EPN2: variants seen among roughly 807,000 people sequenced by gnomAD.
EPN2 encodes epsin-2.
In EPN2, 34 loss-of-function variants were observed where a neutral mutation model predicts 61.7. The observed-to-expected ratio is 0.55, with a 90% CI of 0.42 to 0.73. The LOEUF is 0.73. EPN2 is among the 30% of genes least tolerant of loss of function. The probability of loss-of-function intolerance (pLI) is 0.00; values close to 1 mark genes in which losing one functional copy is unlikely to be tolerated. For missense variants in EPN2, 714 were observed against 839.2 expected, an observed-to-expected ratio of 0.85 and a Z score of 1.84; for synonymous variants, 349 against 353.6, an observed-to-expected ratio of 0.99 and a Z score of 0.15.
intron 4 of EPN2, among the ~76,000 whole-genome samples, chr17:19,289,028 C>T (rs539571039): frequency 1.7e-4 from 26 of 149,234 alleles, no homozygotes; most frequent in African/African-American, 6.4e-4. Flanking sequence ...GGGGTCTGGA[C>T]CTGGCAGGGC....
intron 4 of EPN2, among the ~76,000 whole-genome samples, chr17:19,304,574 C>A (rs1028794495): frequency 6.6e-6 from 1 of 152,176 alleles, no homozygotes; most frequent in Non-Finnish European, 1.5e-5. Flanking sequence ...GTCTGGTCCC[C>A]ATGGATGGAG....
chr17:19,335,567 G>C lies in EPN2; in HGVS notation c.*1313G>C. ...TTGTCCCGAGGGCGTGGGGTGGGGG[G>C]TGCTTCTGTGCCCACGGGTCCCTGG... is the stretch of plus-strand genomic sequence containing the variant. On this transcript the variant is annotated 3_prime_UTR_variant, in exon 11 of 11. Transcript: ENST00000314728. The C allele has an allele frequency of 8.0e-7, 1 of 1,256,616 alleles. No individual in the cohort carries two copies. The highest frequency in any genetic ancestry group is 1.1e-6 in the Non-Finnish European group (1 of 917,710). The allele number at this position is 1,256,616 out of a possible 1,614,324, so 77.8% of individuals were successfully genotyped here. A position where few individuals can be genotyped will look rare whatever the true frequency, so the allele number is the denominator to read the frequency against.
At chr17:19,303,542 G>A (rs191049149) in intron 4 of EPN2, among the ~76,000 whole-genome samples, 5 of 152,170 alleles carry the variant, frequency 3.3e-5, no homozygotes, top group Middle Eastern at 3.2e-3. Flanking sequence ...CCGGAATCAC[G>A]GCTAGAGTCT....
At chr17:19,288,474 G>A (rs904075631) in intron 4 of EPN2, among the ~76,000 whole-genome samples, 6 of 152,250 alleles carry the variant, frequency 3.9e-5, no homozygotes, top group Non-Finnish European at 2.9e-5. Flanking sequence ...GTGGCTTGCA[G>A]TATGAATGGA....
chr17:19,297,089 C>G (rs1210514809), intron 4 of EPN2: 3 of 152,232 alleles, frequency 2.0e-5, no homozygotes, highest in African/African-American at 7.2e-5. Flanking sequence ...GTGAAGATCC[C>G]TAAGTCATCC....
intron 7 of EPN2, among the ~76,000 whole-genome samples, chr17:19,328,436 G>T (rs1410405371): frequency 3.3e-5 from 5 of 152,152 alleles, no homozygotes; most frequent in Non-Finnish European, 5.9e-5. Flanking sequence ...AGCTTGGAGA[G>T]AACCTCTTTC....
chr17:19,300,217 A>G (rs1391328200), intron 4 of EPN2, among the ~76,000 whole-genome samples: 3 of 152,218 alleles, frequency 2.0e-5, no homozygotes, highest in Admixed American at 6.5e-5. Context: ...ACTTAGGAGC[A>G]GAAGCCATGT....
intron 4 of EPN2, among the ~76,000 whole-genome samples, chr17:19,291,474 T>A (rs1396143823): frequency 7.0e-6 from 1 of 143,044 alleles, no homozygotes; most frequent in East Asian, 2.0e-4. Context: ...GTCTCGCTCT[T>A]TCGCCCAGGC....
Position 19,308,320 on chromosome 17 carries a change from C to T in EPN2, c.767-1565C>T, listed in dbSNP as rs1368250705. 6.4e-6 allele frequency: 6 copies of T among 939,926 alleles called. No individual in the cohort carries two copies. In the African/African-American group the frequency reaches 7.1e-5, roughly 11 times the overall value. 58.2% of individuals were successfully genotyped at this position (939,926 alleles called of 1,614,324 possible). On this transcript the variant is annotated intron_variant, in intron 4 of 10. Coordinates refer to ENST00000314728, the MANE Select transcript of EPN2 (RefSeq NM_014964.5). ...AACTCCTGGCCTCAGGTGATCCGCC[C>T]GTCTCAGCCTCCCAAAGTGCTAGGA...
chr17:19,284,471 C>G (rs1005223899), intron 3 of EPN2, among the ~76,000 whole-genome samples: 21 of 152,278 alleles, frequency 1.4e-4, no homozygotes, highest in African/African-American at 4.8e-4. Flanking sequence ...TTTCACAGTG[C>G]TATTCCAGCC....
chr17:19,293,619 C>T (rs2045486847), intron 4 of EPN2, among the ~76,000 whole-genome samples: 1 of 145,848 alleles, frequency 6.9e-6, no homozygotes, highest in African/African-American at 2.6e-5. Flanking sequence ...TCTGGAACTC[C>T]TGGGCTCAAG....
intron 4 of EPN2, among the ~76,000 whole-genome samples, chr17:19,296,150 AT>A (rs879503406): frequency 1.2e-3 from 177 of 143,980 alleles, no homozygotes; most frequent in Middle Eastern, 3.6e-3. Context: ...CATTCATTCT[AT>A]TTTTTTTTTT....
chr17:19,279,519 AG>A (rs2045340128), intron 1 of EPN2, among the ~76,000 whole-genome samples: 1 of 151,740 alleles, frequency 6.6e-6, no homozygotes, highest in African/African-American at 2.4e-5. Context: ...GCTCACTGCA[AG>A]CTCTGCCTCC....
At chr17:19,310,522 TTTTTC>T (rs1386356645) in intron 5 of EPN2, among the ~76,000 whole-genome samples, 4 of 151,908 alleles carry the variant, frequency 2.6e-5, no homozygotes, top group African/African-American at 7.2e-5. Flanking sequence ...TCAGTTCCCA[TTTTTC>T]TTTTCTTTTC....
chr17:19,262,143 T>C (rs1183275354), intron 1 of EPN2, among the ~76,000 whole-genome samples: 5 of 150,208 alleles, frequency 3.3e-5, no homozygotes, highest in Non-Finnish European at 5.9e-5. Flanking sequence ...GCTGAGATTG[T>C]GCCACTGCAC....
intron 2 of EPN2, 60 bp from the exon 3 acceptor site, chr17:19,282,890 C>T: frequency 4.2e-6 from 2 of 480,196 alleles, no homozygotes; most frequent in Non-Finnish European, 7.4e-6. Context: ...TGCTGGACCA[C>T]AGTCTCCCAC....
chr17:19,245,837 G>T (rs1173226117), intron 1 of EPN2, among the ~76,000 whole-genome samples: 1 of 151,682 alleles, frequency 6.6e-6, no homozygotes, highest in Admixed American at 6.6e-5. Context: ...TAATTTTTTT[G>T]TATTTTTAGT....
chr17:19,328,015 A>G (rs1906969298), intron 7 of EPN2, among the ~76,000 whole-genome samples: 1 of 152,192 alleles, frequency 6.6e-6, no homozygotes, highest in Admixed American at 6.5e-5. Flanking sequence ...TTAACATTAG[A>G]TGCACTCAGA....
intron 9 of EPN2, 90 bp from the exon 10 acceptor site, chr17:19,331,763 T>G: frequency 8.9e-7 from 1 of 1,120,928 alleles, no homozygotes; most frequent in Non-Finnish European, 1.4e-6. Context: ...CAGGCAGGCA[T>G]GTCCCCAGGA....
Sources: allele counts gnomAD v4.1 joint callset (sites outside exome capture counted in the v4.1 genomes callset), GRCh38; gene constraint gnomAD v4.1.1; transcripts MANE v1.5; gene names NCBI Gene and HGNC (gene_info 2026-07-23, HGNC 2026-07-21).